SYBU: variants seen among roughly 807,000 people sequenced by gnomAD.
SYBU encodes the protein GOLSYN A protein.
In SYBU, 21 loss-of-function variants were observed where a neutral mutation model predicts 35.9. The observed-to-expected ratio is 0.58, with a 90% CI of 0.41 to 0.84. The LOEUF is 0.84. SYBU is among the 40% of genes least tolerant of loss of function. The pLI is 0.00. For synonymous variants in SYBU, 319 were observed against 324.3 expected (o/e 0.98, Z 0.18); for missense variants, 768 against 848.2 (o/e 0.91, Z 1.17).
At chr8:109,594,333 G>C (rs1417105520) in intron 3 of SYBU, among the ~76,000 whole-genome samples, 1 of 152,114 alleles carries the variant, frequency 6.6e-6, no homozygotes, top group Non-Finnish European at 1.5e-5. Context: ...AGAAGGAAAA[G>C]ATGAGAATGT....
intron 4 of SYBU, among the ~76,000 whole-genome samples, chr8:109,581,792 C>G (rs1416065540): frequency 6.6e-6 from 1 of 152,240 alleles, no homozygotes; most frequent in Non-Finnish European, 1.5e-5. Flanking sequence ...ATAATTTCAA[C>G]TGGCTGTCAA....
rs1322945448 is a variant in SYBU, at chr8:109,584,084, G to T, written c.530+1976C>A. Among the ~76,000 whole-genome samples the T allele has an allele frequency of 6.6e-6, 1 of 151,912 alleles. No homozygotes were observed. Among genetic ancestry groups the T allele is most frequent in the Non-Finnish European group, 1.5e-5 (1 of 67,996 alleles). Reference sequence around the variant, plus strand: ...CCATCCGCCTTGGCCTCCTAAAAGTGCTGGGATTATAGGCATGAGCCACTG... The same window carrying T: ...CCATCCGCCTTGGCCTCCTAAAAGTTCTGGGATTATAGGCATGAGCCACTG... On this transcript the variant is annotated intron_variant, in intron 4 of 6. Transcript: ENST00000276646. This position sits in a 1 kb window ranked among gnomAD's most constrained non-coding sequence, Gnocchi z 4.0.
chr8:109,649,202 C>T (rs1816009081), upstream of SYBU, among the ~76,000 whole-genome samples: 1 of 151,648 alleles, frequency 6.6e-6, no homozygotes, highest in Admixed American at 6.6e-5. Context: ...GGGGGTTTCA[C>T]CATGTTGGCC....
Position 109,577,361 on chromosome 8 carries a change from CT to C in SYBU, c.884+506del, listed in dbSNP as rs368126558. Among the ~76,000 whole-genome samples, 1,222 of 143,520 alleles carry C rather than the reference CT, an allele frequency of 8.5e-3. 6 individuals are homozygous for C. The highest frequency in any genetic ancestry group is 0.026 in the African/African-American group (1,018 of 39,446). The allele number at this position is 143,520 out of a possible 152,430, so 94.2% of individuals were successfully genotyped here. On this transcript the variant is annotated intron_variant, in intron 6 of 6. Transcript: ENST00000276646. ...TCAGATAAGATCTCTTAAGCATGGG[CT>C]TTTTTTTTTTTTCAGCCTTAACACT...
chr8:109,639,512 A>G (rs1376667839), intron 2 of SYBU, among the ~76,000 whole-genome samples: 1 of 152,222 alleles, frequency 6.6e-6, no homozygotes, highest in Non-Finnish European at 1.5e-5. Flanking sequence ...AGATTGTAAG[A>G]ATTCCCTTAA....
At chr8:109,639,333 T>C (rs942033917) in intron 2 of SYBU, among the ~76,000 whole-genome samples, 2 of 152,198 alleles carry the variant, frequency 1.3e-5, no homozygotes, top group African/African-American at 4.8e-5. Flanking sequence ...GCTCATTACA[T>C]TATCTTTTTT....
At chr8:109,671,378 A>C (rs771235487) in intron 1 of SYBU, among the ~76,000 whole-genome samples, 1 of 152,178 alleles carries the variant, frequency 6.6e-6, no homozygotes, top group Non-Finnish European at 1.5e-5. Flanking sequence ...ATTTTCTCAG[A>C]TGTGTCCTCT....
intron 3 of SYBU, among the ~76,000 whole-genome samples, chr8:109,589,092 G>A (rs1823940441): frequency 6.6e-6 from 1 of 152,282 alleles, no homozygotes; most frequent in East Asian, 1.9e-4. Flanking sequence ...CCAGGGAGTT[G>A]GAGGTTGCAG....
In SYBU at chr8:109,575,979, C is replaced by T. The variant is rs1822241717; in HGVS notation, c.919G>A (p.Ala307Thr). 2 of 1,606,456 alleles carry T rather than the reference C, an allele frequency of 1.2e-6. No individual in the cohort carries two copies. Among genetic ancestry groups the T allele is most frequent in the African/African-American group, 1.4e-5 (1 of 73,796 alleles). The change falls in exon 7 of 7, where the codon GCC becomes ACC. Residue 307 changes from alanine to threonine, a missense_variant. Ala to Thr is a moderately conservative substitution (Grantham distance 58, BLOSUM62 0). Coordinates refer to ENST00000276646, the MANE Select transcript of SYBU (RefSeq NM_001099754.2). ...TCAATCCAGTCCTCTCGCATGCGGG[C>T]CAGCTGGGACTTAAGCTCCACGATT... ...SEIVELKSQL[A>T]RMREDWIEEE... is the part of the protein sequence containing the mutation.
At chr8:109,642,131 A>C (rs1814951418) in intron 2 of SYBU, among the ~76,000 whole-genome samples, 1 of 152,224 alleles carries the variant, frequency 6.6e-6, no homozygotes, top group African/African-American at 2.4e-5. Flanking sequence ...GCCACAGAAA[A>C]GGATGAATTC....
At chr8:109,594,374 C>T (rs192582985) in intron 3 of SYBU, among the ~76,000 whole-genome samples, 82 of 152,260 alleles carry the variant, frequency 5.4e-4, no homozygotes, top group Middle Eastern at 6.8e-3. Flanking sequence ...CACTCTTCTT[C>T]ATCTCAGTGA....
Position 109,586,065 on chromosome 8 carries a change from T to TGAA in SYBU, c.522_524dup (p.Ser175dup), listed in dbSNP as rs779369474. 2 of 1,608,590 alleles carry TGAA rather than the reference T, an allele frequency of 1.2e-6. No individual in the cohort carries two copies. Among genetic ancestry groups the TGAA allele is most frequent in the South Asian group, 1.1e-5 (1 of 89,488 alleles). The stretch of plus-strand genomic sequence containing the variant: ...GAGCAGGAGATGGTGCCTACTTGCG[T>TGAA]GAAGAAGAAGACCGCTTGCTTCCCG... On this transcript the variant is annotated inframe_insertion, in exon 4 of 7. Transcript: ENST00000276646.
At chr8:109,590,407 G>A (rs1824084306) in intron 3 of SYBU, among the ~76,000 whole-genome samples, 1 of 111,638 alleles carries the variant, frequency 9.0e-6, no homozygotes, top group African/African-American at 5.4e-5. Flanking sequence ...TACATATACA[G>A]GTGTTTTTTT....
In SYBU at chr8:109,586,138, G is replaced by A. The variant is rs760472725; in HGVS notation, c.452C>T (p.Ser151Leu). ...AGCGGAAATGCTGCCTGTGCTGCTC[G>A]AGGAGCTAAAATCAGCTTCACTACC... ...KPGSEADFSS[S>L]SSTGSISAPE... is the part of the protein sequence containing the mutation. Residue 151 changes from serine (S) to leucine (L), a missense_variant, in exon 4 of 7, where the codon TCG becomes TTG. By Grantham distance (145) the Ser-to-Leu change is moderately radical. Coordinates refer to ENST00000276646, the MANE Select transcript of SYBU (RefSeq NM_001099754.2). 12 of 1,609,568 alleles carry A rather than the reference G, an allele frequency of 7.5e-6. No individual in the cohort carries two copies. Among genetic ancestry groups the A allele is most frequent in the African/African-American group, 2.7e-5 (2 of 74,848 alleles).
chr8:109,581,335 C>A (rs1325208685), intron 4 of SYBU, among the ~76,000 whole-genome samples: 1 of 152,218 alleles, frequency 6.6e-6, no homozygotes, highest in Non-Finnish European at 1.5e-5. Flanking sequence ...TCAAAACACA[C>A]ACACATGCAC....
In SYBU at chr8:109,656,369, A is replaced by C. The variant is rs75091294; in HGVS notation, c.-129+24342T>G. Among the ~76,000 whole-genome samples the C allele has an allele frequency of 6.7e-3, 1,026 of 152,316 alleles. 6 individuals carry two copies. Among genetic ancestry groups the C allele is most frequent in the Middle Eastern group, 0.034 (10 of 294 alleles). ...TTTTTCTGTGTACACTAATGTCAGC[A>C]GTCCTCTCTGCAGAGTTCTAAATTC... is the stretch of plus-strand genomic sequence containing the variant. On this transcript the variant is annotated intron_variant, in intron 1 of 5. Coordinates refer to the SYBU transcript ENST00000408889.
At chr8:109,588,436 G>A (rs1219658628) in intron 3 of SYBU, among the ~76,000 whole-genome samples, 1 of 152,134 alleles carries the variant, frequency 6.6e-6, no homozygotes, top group Non-Finnish European at 1.5e-5. Flanking sequence ...CTTACCTTCT[G>A]TACATCTGAA....
At chr8:109,671,420 C>A (rs559584584) in intron 1 of SYBU, among the ~76,000 whole-genome samples, 1 of 152,092 alleles carries the variant, frequency 6.6e-6, no homozygotes, top group Non-Finnish European at 1.5e-5. Context: ...CCTCAAAGAG[C>A]CTTTTTCAGT....
intron 5 of SYBU, among the ~76,000 whole-genome samples, chr8:109,578,341 G>A (rs1036116097): frequency 6.6e-6 from 1 of 152,168 alleles, no homozygotes; most frequent in African/African-American, 2.4e-5. Flanking sequence ...AGACCTTGCT[G>A]GCACCCTGAT....
Sources: allele counts gnomAD v4.1 joint callset (sites outside exome capture counted in the v4.1 genomes callset), GRCh38; gene constraint gnomAD v4.1.1; non-coding constraint Gnocchi (gnomAD v3.1); transcripts MANE v1.5; gene names NCBI Gene and HGNC (gene_info 2026-07-23, HGNC 2026-07-21).